G3BP1: variants seen among roughly 807,000 people sequenced by gnomAD.
The protein encoded by G3BP1 is ras GTPase-activating protein-binding protein 1.
In G3BP1, 35 loss-of-function variants were observed where a neutral mutation model predicts 58.6. The ratio of observed to expected loss-of-function variants is 0.60; its 90% CI spans 0.46 to 0.79. The LOEUF is 0.79. G3BP1 is among the 30% of genes least tolerant of loss of function. The pLI is 0.00. For missense variants in G3BP1, 523 were observed against 580.8 expected (o/e 0.90, Z 1.02); for synonymous variants, 191 against 195.4 (o/e 0.98, Z 0.19).
chr5:151,801,114 T>A (rs1000850793), intron 11 of G3BP1, among the ~76,000 whole-genome samples: 3 of 152,194 alleles, frequency 2.0e-5, no homozygotes, highest in Non-Finnish European at 4.4e-5. Context: ...TGAATAGTTA[T>A]CAGTGCACTG....
chr5:151,788,412 T>A (rs541223625), intron 2 of G3BP1, among the ~76,000 whole-genome samples: 10 of 151,764 alleles, frequency 6.6e-5, no homozygotes, highest in Admixed American at 2.6e-4. Flanking sequence ...TTTCTTTCTT[T>A]TTTTTTGAGA....
At chr5:151,792,142 CAAGT>C (rs1561534769) in intron 4 of G3BP1, 1 of 456,070 alleles carries the variant, frequency 2.2e-6, no homozygotes, top group South Asian at 1.5e-5. Flanking sequence ...GAAAGGACGA[CAAGT>C]TTATGTTGAA....
intron 1 of G3BP1, among the ~76,000 whole-genome samples, chr5:151,774,138 A>G (rs1164090265): frequency 2.6e-5 from 4 of 152,204 alleles, no homozygotes; most frequent in Non-Finnish European, 2.9e-5. Flanking sequence ...CTACATCCCT[A>G]CCAAGTCATA....
chr5:151,804,061 A>T lies in G3BP1; in HGVS notation c.1371A>T (p.Gly457=), dbSNP rs1694264326. ...RGGMVQKPGF[G]VGRGLAPRQ is the part of the protein sequence containing the mutation. The stretch of plus-strand genomic sequence containing the variant: ...GCATGGTGCAGAAACCAGGATTTGG[A>T]GTGGGAAGGGGGCTTGCGCCACGGC... Residue 457 remains glycine (G), a synonymous_variant, in exon 12 of 12, where the codon GGA becomes GGT. Coordinates refer to ENST00000356245, the MANE Select transcript of G3BP1 (RefSeq NM_005754.3). 1.2e-6 allele frequency: 2 copies of T among 1,611,602 alleles called. No individual in the cohort carries two copies. The highest frequency in any genetic ancestry group is 1.7e-6 in the Non-Finnish European group (2 of 1,178,550).
Position 151,805,141 on chromosome 5 carries a change from T to C in G3BP1, c.*1050T>C, listed in dbSNP as rs1008489770. The C allele has an allele frequency of 2.0e-5, 3 of 152,658 alleles. No homozygotes were observed. Among genetic ancestry groups the C allele is most frequent in the African/African-American group, 7.2e-5 (3 of 41,466 alleles). The allele number at this position is 152,658 out of a possible 1,614,324, so 9.5% of individuals were successfully genotyped here. A position where few individuals can be genotyped will look rare whatever the true frequency, so the allele number is the denominator to read the frequency against. ...GCATTTGTATTTTTATTCTGGTATC[T>C]AATCAGATTCCTAATCATAGCCCGT... On this transcript the variant is annotated 3_prime_UTR_variant, in exon 12 of 12. Coordinates refer to ENST00000356245, the MANE Select transcript of G3BP1 (RefSeq NM_005754.3).
intron 2 of G3BP1, among the ~76,000 whole-genome samples, chr5:151,789,678 C>G (rs1437823533): frequency 6.6e-6 from 1 of 152,174 alleles, no homozygotes; most frequent in Non-Finnish European, 1.5e-5. Flanking sequence ...GATAGCTGTT[C>G]CAGCCTTACC....
In G3BP1 at chr5:151,806,624, C is replaced by T. The variant is rs985437501; in HGVS notation, c.*2533C>T. 6.6e-6 allele frequency: 1 copy of T among 152,056 alleles called. No individual in the cohort carries two copies. Among genetic ancestry groups the T allele is most frequent in the African/African-American group, 2.4e-5 (1 of 41,382 alleles). 9.4% of individuals were successfully genotyped at this position (152,056 alleles called of 1,614,324 possible). On this transcript the variant is annotated 3_prime_UTR_variant, in exon 12 of 12. Transcript: ENST00000356245. The stretch of plus-strand genomic sequence containing the variant: ...GAGAGCTTAGAGATGTATACGTTTC[C>T]ACTGCTGGAAAATCATTATAAGTTA...
intron 1 of G3BP1, among the ~76,000 whole-genome samples, chr5:151,785,777 G>T (rs186777538): frequency 5.9e-5 from 9 of 152,144 alleles, no homozygotes; most frequent in African/African-American, 2.2e-4. Flanking sequence ...TTACATGATA[G>T]AATGAAGTAG....
intron 1 of G3BP1, among the ~76,000 whole-genome samples, chr5:151,778,153 C>A (rs1301580668): frequency 6.6e-6 from 1 of 152,054 alleles, no homozygotes; most frequent in Admixed American, 6.6e-5. Flanking sequence ...TAGATGTATG[C>A]CTAACTTTTA....
In G3BP1 at chr5:151,797,399, A is replaced by C. The variant is rs781195002; in HGVS notation, c.712A>C (p.Ile238Leu). The C allele has an allele frequency of 2.5e-6, 4 of 1,612,426 alleles. No individual in the cohort carries two copies. The South Asian group carries it at 4.4e-5, about 18-fold the overall frequency. The change falls in exon 7 of 12, where the codon ATA (isoleucine) becomes CTA (leucine). Residue 238 changes from isoleucine to leucine, a missense_variant. By Grantham distance (5) the Ile-to-Leu change is conservative. Coordinates refer to ENST00000356245, the MANE Select transcript of G3BP1 (RefSeq NM_005754.3). ...GAGTTCTTCTCCAGCACCTGCAGAC[A>C]TAGCTCAGACAGTACAGGAAGACTT... Reference protein sequence around the residue: ...QKSSSPAPADIAQTVQEDLRT... With the variant: ...QKSSSPAPADLAQTVQEDLRT...
intron 7 of G3BP1, 56 bp downstream of exon 7, chr5:151,797,484 T>C (rs1046466289): frequency 3.3e-6 from 5 of 1,524,174 alleles, no homozygotes; most frequent in Non-Finnish European, 4.4e-6. Context: ...TTAAAAAAAG[T>C]TTCTGTTCTT....
intron 1 of G3BP1, among the ~76,000 whole-genome samples, chr5:151,784,075 T>C (rs1762517542): frequency 6.6e-6 from 1 of 152,096 alleles, no homozygotes; most frequent in African/African-American, 2.4e-5. Context: ...ATTTTTTAAT[T>C]TATTTATATT....
intron 7 of G3BP1, among the ~76,000 whole-genome samples, chr5:151,798,040 ATTTG>A (rs1285489351): frequency 6.6e-6 from 1 of 152,192 alleles, no homozygotes; most frequent in East Asian, 1.9e-4. Flanking sequence ...GGGTTATGTC[ATTTG>A]TTTGTTCAAT....
At chr5:151,781,673 A>G (rs1381927761) in intron 1 of G3BP1, among the ~76,000 whole-genome samples, 1 of 152,264 alleles carries the variant, frequency 6.6e-6, no homozygotes, top group Non-Finnish European at 1.5e-5. Flanking sequence ...GTTACCTGTC[A>G]TTTCAGAGAG....
chr5:151,803,132 A>G (rs999311666), intron 11 of G3BP1, among the ~76,000 whole-genome samples: 1 of 152,214 alleles, frequency 6.6e-6, no homozygotes, highest in Non-Finnish European at 1.5e-5. Flanking sequence ...CAAAATTCTC[A>G]GGAGGTGTTA....
At chr5:151,795,249 G>A (rs1359272296) in intron 5 of G3BP1, among the ~76,000 whole-genome samples, 1 of 152,188 alleles carries the variant, frequency 6.6e-6, no homozygotes, top group African/African-American at 2.4e-5. Context: ...GCACTCTCTA[G>A]CCTGGGCGAG....
intron 6 of G3BP1, among the ~76,000 whole-genome samples, chr5:151,796,150 T>C: frequency 6.6e-6 from 1 of 152,346 alleles, no homozygotes; most frequent in Non-Finnish European, 1.5e-5. Flanking sequence ...CAAGTGTTTC[T>C]TAAGGTGTGA....
chr5:151,787,159 C>A (rs1413570198), intron 2 of G3BP1: 1 of 152,268 alleles, frequency 6.6e-6, no homozygotes, highest in Non-Finnish European at 1.5e-5. Flanking sequence ...GCGCCTAGCC[C>A]CAAAAAATAA....
intron 1 of G3BP1, among the ~76,000 whole-genome samples, chr5:151,777,834 T>C (rs79020271): frequency 0.011 from 1,726 of 152,338 alleles, 30 homozygotes; most frequent in African/African-American, 0.032. Context: ...GCTTGTTCCT[T>C]CCACCCTTCT....
Sources: gnomAD v4.1 joint callset for allele counts (sites outside exome capture counted in the v4.1 genomes callset) on GRCh38, gnomAD v4.1.1 for gene constraint, MANE v1.5 for transcripts, NCBI Gene and HGNC (gene_info 2026-07-23, HGNC 2026-07-21) for gene names.